The following TLL1 variants were observed in gnomAD, a reference collection of about 807,000 sequenced individuals.
The protein encoded by TLL1 is tolloid like 1.
A neutral mutation model predicts 128.2 loss-of-function variants in TLL1; 49 were observed. The ratio of observed to expected loss-of-function variants is 0.38; its 90% confidence interval spans 0.30 to 0.48. The LOEUF (loss-of-function observed/expected upper bound fraction) is 0.48. Among genes scored for constraint, TLL1 ranks in the 20% least tolerant of loss-of-function variants. The pLI, the probability that TLL1 is intolerant of heterozygous loss-of-function variation, is 0.96. For missense variants in TLL1, 1,123 were observed against 1,242.0 expected, an observed-to-expected ratio of 0.90 and a Z score of 1.44; for synonymous variants, 454 against 418.8, an observed-to-expected ratio of 1.08 and a Z score of -1.03.
intron 19 of TLL1, among the ~76,000 whole-genome samples, chr4:166,094,660 G>A (rs760444968): frequency 2.0e-5 from 3 of 152,058 alleles, no homozygotes; most frequent in African/African-American, 4.8e-5. Flanking sequence ...TCCTGGCTTC[G>A]CAATTCCTGT....
At chr4:166,091,953 A>G (rs1741794823) in intron 19 of TLL1, among the ~76,000 whole-genome samples, 1 of 152,246 alleles carries the variant, frequency 6.6e-6, no homozygotes, top group East Asian at 1.9e-4. Flanking sequence ...TTAGACAAAA[A>G]TATAGAGTAA....
Position 165,873,857 on chromosome 4 carries a change from T to G in TLL1, c.-48T>G. The G allele has an allele frequency of 6.2e-7, 1 of 1,609,670 alleles. No homozygotes were observed. Among genetic ancestry groups the G allele is most frequent in the Non-Finnish European group, 8.5e-7 (1 of 1,177,924 alleles). Reference sequence around the variant, plus strand: ...CCCGCACATCAGCGCGGACCGCGGCTGCCTAACCTCTGGGTCCCGTCCCCT... The same window carrying G: ...CCCGCACATCAGCGCGGACCGCGGCGGCCTAACCTCTGGGTCCCGTCCCCT... On this transcript the variant is annotated 5_prime_UTR_variant, in exon 1 of 21. Coordinates refer to ENST00000061240, the MANE Select transcript of TLL1 (RefSeq NM_012464.5).
intron 1 of TLL1, among the ~76,000 whole-genome samples, chr4:165,916,506 G>A (rs1579482716): frequency 6.6e-6 from 1 of 152,132 alleles, no homozygotes; most frequent in Non-Finnish European, 1.5e-5. Flanking sequence ...CCAGAAGTAA[G>A]GTGCATTGAT....
intron 17 of TLL1, among the ~76,000 whole-genome samples, 184 bp downstream of exon 17, chr4:166,075,187 G>T (rs942249834): frequency 6.6e-6 from 1 of 152,132 alleles, no homozygotes; most frequent in Non-Finnish European, 1.5e-5. Context: ...TCTGTACTTC[G>T]CACATAGATG....
chr4:166,091,046 A>G (rs1579731218), intron 18 of TLL1, 82 bp from the exon 19 acceptor site: 6 of 1,120,732 alleles, frequency 5.4e-6, no homozygotes, highest in Non-Finnish European at 7.8e-6. Flanking sequence ...TATTTTATTG[A>G]TATGTATTTC....
intron 9 of TLL1, among the ~76,000 whole-genome samples, chr4:166,038,427 C>G (rs969749314): frequency 6.6e-6 from 1 of 151,604 alleles, no homozygotes; most frequent in Non-Finnish European, 1.5e-5. Context: ...AACTGGCTTA[C>G]TATGAGCCTT....
chr4:166,099,240 A>G, intron 19 of TLL1, 37 bp from the exon 20 acceptor site: 1 of 1,613,146 alleles, frequency 6.2e-7, no homozygotes, highest in East Asian at 2.2e-5. Flanking sequence ...GTTAAAGCTC[A>G]TTGACCTTAC....
intron 1 of TLL1, among the ~76,000 whole-genome samples, chr4:165,953,163 G>A (rs1481062645): frequency 6.6e-6 from 1 of 152,146 alleles, no homozygotes; most frequent in Non-Finnish European, 1.5e-5. Context: ...CATGGTGAAA[G>A]GATGAGTGAC....
At chr4:165,878,461 C>G (rs1730820173) in intron 1 of TLL1, among the ~76,000 whole-genome samples, 1 of 151,950 alleles carries the variant, frequency 6.6e-6, no homozygotes, top group Admixed American at 6.6e-5. Context: ...ATTCCATACA[C>G]TTGAATTCTG....
chr4:165,898,456 T>G (rs1173838433), intron 1 of TLL1, among the ~76,000 whole-genome samples: 1 of 152,234 alleles, frequency 6.6e-6, no homozygotes, highest in East Asian at 1.9e-4. Context: ...TTGAATTTTA[T>G]TGAAGGCCTT....
Position 166,099,340 on chromosome 4 carries a change from G to T in TLL1, c.2720G>T (p.Gly907Val), listed in dbSNP as rs762519293. The change falls in exon 20 of 21, where the codon GGT (glycine) becomes GTT (valine). Residue 907 changes from glycine to valine, a missense_variant. This residue lies in a region of TLL1 where 634 missense variants were observed against 672.4 expected (regional missense o/e 0.94). Coordinates refer to ENST00000061240, the MANE Select transcript of TLL1 (RefSeq NM_012464.5). Reference protein sequence around the residue: ...PRDLYSHAQFGDNNYPGQVDC... With the variant: ...PRDLYSHAQFVDNNYPGQVDC... ...GATCTGTACTCACATGCTCAGTTTG[G>T]TGATAACAACTACCCAGGACAGGTT... The T allele has an allele frequency of 6.2e-7, 1 of 1,613,574 alleles. No homozygotes were observed. The highest frequency in any genetic ancestry group is 2.2e-5 in the East Asian group (1 of 44,810).
At chr4:165,916,950 C>A (rs916461467) in intron 1 of TLL1, among the ~76,000 whole-genome samples, 5 of 152,076 alleles carry the variant, frequency 3.3e-5, no homozygotes, top group African/African-American at 1.2e-4. Flanking sequence ...ATGCTATCTT[C>A]TCATGCCCAT....
intron 5 of TLL1, among the ~76,000 whole-genome samples, chr4:165,995,930 T>C (rs995703606): frequency 6.6e-6 from 1 of 152,138 alleles, no homozygotes; most frequent in Non-Finnish European, 1.5e-5. Flanking sequence ...TATTGCCTAA[T>C]ATCTGTTTTC....
At chr4:165,959,869 A>G (rs1735009448) in intron 1 of TLL1, among the ~76,000 whole-genome samples, 1 of 152,154 alleles carries the variant, frequency 6.6e-6, no homozygotes, top group Admixed American at 6.6e-5. Flanking sequence ...TATAGTACTA[A>G]ACACCTACCT....
At position 166,027,052 on chromosome 4, in the gene TLL1, G is replaced by A. The variant is rs146201857; in HGVS notation, c.1158+1621G>A. Among the ~76,000 whole-genome samples, 956 of 152,242 alleles carry A rather than the reference G, an allele frequency of 6.3e-3. 5 individuals carry two copies. The highest frequency in any genetic ancestry group is 0.022 in the African/African-American group (913 of 41,538). ...GTACACATACACCATGGAATATTAT[G>A]CAGCCGTAAAAAAGAATGAACTCAT... On this transcript the variant is annotated intron_variant, in intron 9 of 20. Coordinates refer to ENST00000061240, the MANE Select transcript of TLL1 (RefSeq NM_012464.5).
At position 165,943,044 on chromosome 4, in the gene TLL1, C is replaced by T. The variant is rs1218298289; in HGVS notation, c.170-46337C>T. ...AGGACATTCAAGTTCCCTTTATTCGCCTTTAAATTTGCAACATTTGTCTAG... is the reference window on the plus strand; with the variant it reads ...AGGACATTCAAGTTCCCTTTATTCGTCTTTAAATTTGCAACATTTGTCTAG... On this transcript the variant is annotated intron_variant, in intron 1 of 20. Coordinates refer to ENST00000061240, the MANE Select transcript of TLL1 (RefSeq NM_012464.5). 2.0e-5 allele frequency among the ~76,000 whole-genome samples: 3 copies of T among 152,002 alleles called. No individual in the cohort carries two copies. In the East Asian group the frequency reaches 5.8e-4, roughly 29 times the overall value.
intron 1 of TLL1, among the ~76,000 whole-genome samples, chr4:165,936,635 T>C (rs951799722): frequency 1.3e-5 from 2 of 152,280 alleles, no homozygotes; most frequent in Admixed American, 6.5e-5. Context: ...TTTACAACAC[T>C]GAATGAAATG....
At chr4:165,901,938 C>T (rs936149803) in intron 1 of TLL1, among the ~76,000 whole-genome samples, 6 of 152,300 alleles carry the variant, frequency 3.9e-5, no homozygotes, top group East Asian at 3.9e-4. Context: ...CAGAGATGCC[C>T]TGCCCAGAGA....
intron 1 of TLL1, among the ~76,000 whole-genome samples, chr4:165,889,594 C>A (rs757291013): frequency 3.9e-5 from 6 of 152,162 alleles, no homozygotes; most frequent in Non-Finnish European, 8.8e-5. Context: ...TGACTTGCTG[C>A]CTTCAGGCAG....
Sources: allele counts gnomAD v4.1 joint callset (sites outside exome capture counted in the v4.1 genomes callset), GRCh38; gene constraint gnomAD v4.1.1; regional missense constraint gnomAD v4.1.1; transcripts MANE v1.5; gene names NCBI Gene and HGNC (gene_info 2026-07-23, HGNC 2026-07-21).